DSCAML1: variants seen among roughly 807,000 people sequenced by gnomAD.
The protein encoded by DSCAML1 is DS cell adhesion molecule like 1.
Under a neutral mutation model 200.5 loss-of-function variants are expected in DSCAML1, and 38 were observed. The observed-to-expected ratio is 0.19, with a 90% CI of 0.15 to 0.25. The LOEUF (loss-of-function observed/expected upper bound fraction) is 0.25. DSCAML1 is among the 10% of genes least tolerant of loss of function. The pLI is 1.00. For missense variants in DSCAML1, 2,223 were observed against 2,858.8 expected, an observed-to-expected ratio of 0.78 and a Z score of 5.07; for synonymous variants, 1,215 against 1,165.0, an observed-to-expected ratio of 1.04 and a Z score of -0.87.
At chr11:117,442,785 G>T (rs1050776014) in intron 21 of DSCAML1, among the ~76,000 whole-genome samples, 2 of 152,184 alleles carry the variant, frequency 1.3e-5, no homozygotes, top group African/African-American at 4.8e-5. Flanking sequence ...GTAGGGGTTA[G>T]GGGGTGGTAG....
intron 3 of DSCAML1, among the ~76,000 whole-genome samples, chr11:117,648,208 G>C (rs1385606426): frequency 6.6e-6 from 1 of 152,176 alleles, no homozygotes; most frequent in Non-Finnish European, 1.5e-5. Context: ...AAGCAGACCT[G>C]GTTTTTCTGC....
intron 3 of DSCAML1, among the ~76,000 whole-genome samples, chr11:117,676,172 AC>A (rs1313476424): frequency 1.6e-5 from 2 of 127,668 alleles, no homozygotes; most frequent in African/African-American, 7.0e-5. Flanking sequence ...AGTTTTGATT[AC>A]AAAAAAAAAA....
At chr11:117,566,486 C>T (rs1293603501) in intron 3 of DSCAML1, among the ~76,000 whole-genome samples, 3 of 151,778 alleles carry the variant, frequency 2.0e-5, no homozygotes, top group Non-Finnish European at 2.9e-5. Context: ...TAGCTGAGAC[C>T]ACAGGTGACA....
At chr11:117,532,140 A>G (rs2050092341) in intron 4 of DSCAML1, among the ~76,000 whole-genome samples, 1 of 147,488 alleles carries the variant, frequency 6.8e-6, no homozygotes, top group Non-Finnish European at 1.5e-5. Flanking sequence ...ACAAAAAAAA[A>G]AGGAAAAAAA....
chr11:117,690,733 T>C (rs1296958858), intron 3 of DSCAML1, among the ~76,000 whole-genome samples: 2 of 152,334 alleles, frequency 1.3e-5, no homozygotes, highest in South Asian at 4.1e-4. Context: ...CAGGTCACAC[T>C]TATTCTTGTT....
Position 117,428,458 on chromosome 11 carries a change from G to A in DSCAML1, c.6032C>T (p.Pro2011Leu). The change falls in exon 33 of 33, where the codon CCA becomes CTA. Residue 2011 changes from proline (P) to leucine (L), a missense_variant. Pro to Leu is a moderately conservative substitution (Grantham distance 98). Coordinates refer to ENST00000651296, the MANE Select transcript of DSCAML1 (RefSeq NM_020693.4). Reference sequence around the variant, plus strand: ...TTTGGTGTGTGGGCCCCCGGCTCGTGGAGGCTCGGTGCTGGGGGCCGGAGG... The same window carrying A: ...TTTGGTGTGTGGGCCCCCGGCTCGTAGAGGCTCGGTGCTGGGGGCCGGAGG... ...AAPPAPSTEP[P>L]RAGGPHTKMG... is the part of the protein sequence containing the mutation. 1 of 1,532,796 alleles carries A rather than the reference G, an allele frequency of 6.5e-7. No homozygotes were observed. The highest frequency in any genetic ancestry group is 1.3e-5 in the South Asian group (1 of 78,842). The allele number at this position is 1,532,796 out of a possible 1,614,324, so 94.9% of individuals were successfully genotyped here.
chr11:117,706,672 G>A (rs1352934657), intron 3 of DSCAML1, among the ~76,000 whole-genome samples: 1 of 152,194 alleles, frequency 6.6e-6, no homozygotes, highest in South Asian at 2.1e-4. Flanking sequence ...GGGGAGGAAG[G>A]AGGCCTAGCG....
chr11:117,582,841 AG>A (rs1351409062), intron 3 of DSCAML1, among the ~76,000 whole-genome samples: 1 of 152,222 alleles, frequency 6.6e-6, no homozygotes, highest in Non-Finnish European at 1.5e-5. Flanking sequence ...TTGAAGCACA[AG>A]AAGCCTGAGT....
chr11:117,468,948 G>C (rs1365314471), intron 16 of DSCAML1, among the ~76,000 whole-genome samples: 1 of 152,200 alleles, frequency 6.6e-6, no homozygotes, highest in African/African-American at 2.4e-5. Flanking sequence ...CCCTGATTAA[G>C]ACAGGCAACC....
Position 117,504,805 on chromosome 11 carries a change from C to A in DSCAML1, c.2182+119G>T, listed in dbSNP as rs1001283122. The A allele has an allele frequency of 3.0e-5, 41 of 1,385,212 alleles. No individual in the cohort carries two copies. The highest frequency in any genetic ancestry group is 3.7e-5 in the Non-Finnish European group (39 of 1,055,302). 85.8% of individuals were successfully genotyped at this position (1,385,212 alleles called of 1,614,324 possible). A position where few individuals can be genotyped will look rare whatever the true frequency, so the allele number is the denominator to read the frequency against. On this transcript the variant is annotated intron_variant, in intron 10 of 32. Transcript: ENST00000651296. This position sits in a 1 kb window ranked among gnomAD's most constrained non-coding sequence, Gnocchi z 5.0. ...GCCTGGGGTCCACTGGGGTGCAGAC[C>A]AGAGGACTCCCATCCAGGGATAGGA...
chr11:117,467,195 C>A lies in DSCAML1; in HGVS notation c.3025-2013G>T, dbSNP rs528114740. Among the ~76,000 whole-genome samples the A allele has an allele frequency of 6.5e-3, 772 of 118,170 alleles. 29 individuals are homozygous for A. The highest frequency in any genetic ancestry group is 0.027 in the South Asian group (89 of 3,336). The allele number at this position is 118,170 out of a possible 152,430, so 77.5% of individuals were successfully genotyped here. A position where few individuals can be genotyped will look rare whatever the true frequency, so the allele number is the denominator to read the frequency against. The stretch of plus-strand genomic sequence containing the variant: ...CGCACGCATGCGCGTGCACACACAC[C>A]TCCCCCCTCCCCCCGCCGCCAATAT... On this transcript the variant is annotated intron_variant, in intron 16 of 32. Transcript: ENST00000651296.
chr11:117,447,344 G>C (rs1018045352), intron 20 of DSCAML1, among the ~76,000 whole-genome samples: 32 of 152,064 alleles, frequency 2.1e-4, no homozygotes, highest in Admixed American at 2.0e-4. Flanking sequence ...AGCACCAACA[G>C]GTATTCCATG....
chr11:117,514,148 G>GC (rs2049707222), intron 8 of DSCAML1, among the ~76,000 whole-genome samples: 1 of 152,178 alleles, frequency 6.6e-6, no homozygotes, highest in Non-Finnish European at 1.5e-5. Context: ...CCATGCCAGA[G>GC]CCCCTTCCCA....
chr11:117,556,866 C>T (rs1265576902), intron 3 of DSCAML1, among the ~76,000 whole-genome samples: 3 of 152,222 alleles, frequency 2.0e-5, no homozygotes, highest in African/African-American at 4.8e-5. Context: ...CGCCGACATG[C>T]CCACATCTTC....
intron 30 of DSCAML1, 73 bp downstream of exon 30, chr11:117,432,279 C>T: frequency 6.9e-7 from 1 of 1,449,490 alleles, no homozygotes; most frequent in Non-Finnish European, 9.2e-7. Flanking sequence ...AAAAAAAACA[C>T]CACCTCTGTG....
chr11:117,581,151 C>T (rs1192505261), intron 3 of DSCAML1, among the ~76,000 whole-genome samples: 2 of 152,144 alleles, frequency 1.3e-5, no homozygotes, highest in Non-Finnish European at 2.9e-5. Flanking sequence ...TGAAAAATTG[C>T]CGTGCCTGTG....
intron 3 of DSCAML1, among the ~76,000 whole-genome samples, chr11:117,610,269 GC>G (rs1449888408): frequency 6.6e-6 from 1 of 152,012 alleles, no homozygotes; most frequent in Non-Finnish European, 1.5e-5. Flanking sequence ...AGTTCCTCCC[GC>G]CCCCTTTTGC....
chr11:117,573,097 T>G (rs1236159661), intron 3 of DSCAML1, among the ~76,000 whole-genome samples: 2 of 152,202 alleles, frequency 1.3e-5, no homozygotes, highest in African/African-American at 2.4e-5. Flanking sequence ...GGAGCTCAAG[T>G]TTACACTGCT....
intron 1 of DSCAML1, among the ~76,000 whole-genome samples, chr11:117,809,158 G>A (rs1282022432): frequency 6.6e-6 from 1 of 152,264 alleles, no homozygotes; most frequent in African/African-American, 2.4e-5. Flanking sequence ...TTTAGGAGAG[G>A]CGACCTCAGG....
Sources: allele counts gnomAD v4.1 joint callset (sites outside exome capture counted in the v4.1 genomes callset), GRCh38; gene constraint gnomAD v4.1.1; non-coding constraint Gnocchi (gnomAD v3.1); transcripts MANE v1.5; gene names NCBI Gene and HGNC (gene_info 2026-07-23, HGNC 2026-07-21).